The following BMI1 variants were observed in gnomAD, a reference collection of about 807,000 sequenced individuals.
BMI1 encodes polycomb complex protein BMI-1.
Under a neutral mutation model 39.1 loss-of-function variants are expected in BMI1, and 9 were observed. That is an observed-to-expected ratio of 0.23 (90% CI 0.14 to 0.40). The LOEUF is 0.40. Among genes scored for constraint, BMI1 ranks in the 10% least tolerant of loss-of-function variants. The pLI, the probability that BMI1 is intolerant of heterozygous loss-of-function variation, is 1.00. For missense variants in BMI1, 252 were observed against 390.8 expected (o/e 0.64, Z 2.99); for synonymous variants, 131 against 127.9 (o/e 1.02, Z -0.16).
At chr10:22,323,057 TG>T (rs1836049119) in intron 1 of BMI1, among the ~76,000 whole-genome samples, 2 of 152,164 alleles carry the variant, frequency 1.3e-5, no homozygotes, top group Admixed American at 6.5e-5. Context: ...AGGTTGGTGG[TG>T]TGTACAACGT....
In BMI1 at chr10:22,321,163, C is replaced by G. The variant is rs1269887944; in HGVS notation, c.-553C>G. ...CTCCCCTCCCCCTCCTCCCCTCCCC[C>G]CGCTCGCACGCACACACACGGCGCC... is the stretch of plus-strand genomic sequence containing the variant. On this transcript the variant is annotated 5_prime_UTR_variant, in exon 1 of 10. Coordinates refer to ENST00000376663, the MANE Select transcript of BMI1 (RefSeq NM_005180.9). The G allele has an allele frequency of 5.3e-5, 8 of 150,780 alleles. No homozygotes were observed. The highest frequency in any genetic ancestry group is 8.9e-5 in the Non-Finnish European group (6 of 67,388). 9.3% of individuals were successfully genotyped at this position (150,780 alleles called of 1,614,324 possible).
At position 22,331,363 on chromosome 10, in the gene BMI1, T is replaced by C. The variant is rs1456150067; in HGVS notation, c.*1821T>C. ...CAGGTAAACGTTAAAGAGAATACAT[T>C]GCTGACTTATAGTGATGTGGCTAAG... is the stretch of plus-strand genomic sequence containing the variant. On this transcript the variant is annotated 3_prime_UTR_variant, in exon 10 of 10. Coordinates refer to ENST00000376663, the MANE Select transcript of BMI1 (RefSeq NM_005180.9). 1.3e-5 allele frequency: 2 copies of C among 152,148 alleles called. No individual in the cohort carries two copies. The highest frequency in any genetic ancestry group is 2.9e-5 in the Non-Finnish European group (2 of 67,972). The allele number at this position is 152,148 out of a possible 1,614,324, so 9.4% of individuals were successfully genotyped here. A position where few individuals can be genotyped will look rare whatever the true frequency, so the allele number is the denominator to read the frequency against.
At chr10:22,324,797 AG>A (rs1440592810) in intron 1 of BMI1, among the ~76,000 whole-genome samples, 1 of 152,224 alleles carries the variant, frequency 6.6e-6, no homozygotes, top group African/African-American at 2.4e-5. Context: ...TGAATGAAGA[AG>A]GGGGGTTGAA....
In BMI1 at chr10:22,329,253, G is replaced by T; in HGVS notation, c.692G>T (p.Cys231Phe). Residue 231 changes from cysteine (C) to phenylalanine (F), a missense_variant, in exon 10 of 10, where the codon TGT becomes TTT. Cys to Phe is a radical substitution (Grantham distance 205). Coordinates refer to ENST00000376663, the MANE Select transcript of BMI1 (RefSeq NM_005180.9). The stretch of plus-strand genomic sequence containing the variant: ...TTGAAATACAGAGTTCGACCTACTT[G>T]TAAAAGAATGAAGATCAGTCACCAG... ...LPLKYRVRPT[C>F]KRMKISHQRD... The T allele has an allele frequency of 6.2e-7, 1 of 1,614,100 alleles. No homozygotes were observed. The highest frequency in any genetic ancestry group is 1.1e-5 in the South Asian group (1 of 91,080).
In BMI1 at chr10:22,321,345, C is replaced by T; in HGVS notation, c.-371C>T. 6.4e-6 allele frequency: 1 copy of T among 155,298 alleles called. No individual in the cohort carries two copies. Among genetic ancestry groups the T allele is most frequent in the South Asian group, 1.7e-4 (1 of 5,732 alleles). 9.6% of individuals were successfully genotyped at this position (155,298 alleles called of 1,614,324 possible). On this transcript the variant is annotated 5_prime_UTR_variant, in exon 1 of 10. Transcript: ENST00000376663. ...AATAAAACCGATCGCGCCCCCTCCG[C>T]GCGCGCCCTCCCCCGAGTGCGGAGC... is the stretch of plus-strand genomic sequence containing the variant.
Position 22,325,391 on chromosome 10 carries a change from G to A in BMI1, c.-19-1040G>A, listed in dbSNP as rs184110182. Among the ~76,000 whole-genome samples the A allele has an allele frequency of 9.8e-5, 15 of 152,286 alleles. No homozygotes were observed. The East Asian group carries it at 1.5e-3, about 16-fold the overall frequency. ...AACCAGCTCTGCGCACCAAGTCGAC[G>A]TGAAAAGAGGCCCCCGGAGTGTCCG... On this transcript the variant is annotated intron_variant, in intron 1 of 9. Coordinates refer to ENST00000376663, the MANE Select transcript of BMI1 (RefSeq NM_005180.9).
At chr10:22,324,655 T>C (rs1329128621) in intron 1 of BMI1, among the ~76,000 whole-genome samples, 1 of 152,242 alleles carries the variant, frequency 6.6e-6, no homozygotes, top group Non-Finnish European at 1.5e-5. Context: ...ACTGCATTAA[T>C]ACACCTTAGG....
intron 3 of BMI1, 59 bp from the exon 4 acceptor site, chr10:22,327,536 T>C (rs766134368): frequency 1.5e-5 from 22 of 1,481,888 alleles, no homozygotes; most frequent in East Asian, 1.1e-4. Context: ...TAGAAACTTA[T>C]GAACATTTTT....
At chr10:22,326,321 C>T (rs1836149758) in intron 1 of BMI1, 110 bp from the exon 2 acceptor site, 8 of 1,446,654 alleles carry the variant, frequency 5.5e-6, no homozygotes, top group African/African-American at 1.4e-5. Flanking sequence ...GACAGCCCAG[C>T]TGTACAGTGT....
intron 1 of BMI1, among the ~76,000 whole-genome samples, chr10:22,325,092 C>T (rs1426371718): frequency 6.6e-6 from 1 of 152,182 alleles, no homozygotes; most frequent in African/African-American, 2.4e-5. Flanking sequence ...CATAGTTTGT[C>T]CAAATAAAAC....
Position 22,321,390 on chromosome 10 carries a change from CGAGGAG to C in BMI1, c.-312_-307del, listed in dbSNP as rs377124330. ...CGGAGCGGGAGGAGGCGGCGGCGGCCGAGGAGGAGGAGGAGGAGGCCCCGGAGGAGG... is the reference window on the plus strand; with the variant it reads ...CGGAGCGGGAGGAGGCGGCGGCGGCCGAGGAGGAGGAGGCCCCGGAGGAGG... On this transcript the variant is annotated 5_prime_UTR_variant, in exon 1 of 10. Transcript: ENST00000376663. The C allele has an allele frequency of 3.1e-5, 5 of 159,118 alleles. No homozygotes were observed. The highest frequency in any genetic ancestry group is 6.8e-5 in the Non-Finnish European group (5 of 73,304). 9.9% of individuals were successfully genotyped at this position (159,118 alleles called of 1,614,324 possible).
intron 1 of BMI1, 148 bp downstream of exon 1, chr10:22,321,844 C>T (rs1477543304): frequency 2.8e-5 from 4 of 143,508 alleles, no homozygotes; most frequent in Non-Finnish European, 4.6e-5. Flanking sequence ...CGCCCGGCCC[C>T]GCGCCCCGCG....
rs1393582176 is a variant in BMI1 at position 22,330,881 on chromosome 10, C to T, written c.*1339C>T. ...CCAACAATTTTCAGTTTATTTTTTG[C>T]TTTGGTCGAACTTGGTGTGTGTTCA... On this transcript the variant is annotated 3_prime_UTR_variant, in exon 10 of 10. Transcript: ENST00000376663. The T allele has an allele frequency of 6.6e-6, 1 of 152,424 alleles. No individual in the cohort carries two copies. Among genetic ancestry groups the T allele is most frequent in the Admixed American group, 6.5e-5 (1 of 15,272 alleles). 9.4% of individuals were successfully genotyped at this position (152,424 alleles called of 1,614,324 possible). A position where few individuals can be genotyped will look rare whatever the true frequency, so the allele number is the denominator to read the frequency against.
intron 1 of BMI1, among the ~76,000 whole-genome samples, 181 bp from the exon 2 acceptor site, chr10:22,326,250 G>C (rs904012459): frequency 6.6e-6 from 1 of 151,738 alleles, no homozygotes; most frequent in Non-Finnish European, 1.5e-5. Flanking sequence ...GGATCCTTTT[G>C]CATCAGTTTG....
In BMI1 at chr10:22,329,525, G is replaced by A; in HGVS notation, c.964G>A (p.Ala322Thr). The A allele has an allele frequency of 6.2e-7, 1 of 1,613,838 alleles. No individual in the cohort carries two copies. Among genetic ancestry groups the A allele is most frequent in the South Asian group, 1.1e-5 (1 of 91,080 alleles). The change falls in exon 10 of 10, where the codon GCA becomes ACA. Residue 322 changes from alanine to threonine, a missense_variant. Ala to Thr is a moderately conservative substitution (Grantham distance 58). This residue lies in a region of BMI1 where 96 missense variants were observed against 120.2 expected (regional missense o/e 0.80). Coordinates refer to ENST00000376663, the MANE Select transcript of BMI1 (RefSeq NM_005180.9). Reference protein sequence around the residue: ...PRKSSVNGSSATSSG With the variant: ...PRKSSVNGSSTTSSG ...AAAATCATCAGTAAATGGGTCATCA[G>A]CAACTTCTTCTGGTTGATACCTGAG...
chr10:22,327,790 A>G lies in BMI1; in HGVS notation c.314A>G (p.Asp105Gly). 1 of 1,613,368 alleles carries G rather than the reference A, an allele frequency of 6.2e-7. No homozygotes were observed. Among genetic ancestry groups the G allele is most frequent in the Non-Finnish European group, 8.5e-7 (1 of 1,179,594 alleles). The change falls in exon 5 of 10, where the codon GAT becomes GGT. Residue 105 changes from aspartate to glycine, a missense_variant and splice_region_variant. This residue lies in a region of BMI1 where 67 missense variants were observed against 69.9 expected (regional missense o/e 0.96). Transcript: ENST00000376663. ...TTTTATGCAGCTCATCCTTCTGCTG[A>G]TGGTAAACCTTTTAGGGGAGGGAAG... is the stretch of plus-strand genomic sequence containing the variant. ...RDFYAAHPSA[D>G]AANGSNEDRG...
chr10:22,328,992 A>G (rs1836225156), intron 8 of BMI1, 56 bp from the exon 9 acceptor site: 1 of 1,506,614 alleles, frequency 6.6e-7, no homozygotes, highest in African/African-American at 1.4e-5. Context: ...TTAAATGACA[A>G]AAAATGTACA....
At chr10:22,321,770 C>T (rs1836004573) in intron 1 of BMI1, 74 bp downstream of exon 1, 1 of 145,670 alleles carries the variant, frequency 6.9e-6, no homozygotes, top group African/African-American at 2.5e-5. Flanking sequence ...GGGGCGGCCG[C>T]GGGTGGAAGG....
rs764969839 is a variant in BMI1 at position 22,329,925 on chromosome 10, C to T, written c.*383C>T. On this transcript the variant is annotated 3_prime_UTR_variant, in exon 10 of 10. Coordinates refer to ENST00000376663, the MANE Select transcript of BMI1 (RefSeq NM_005180.9). ...TTCTCCTTGATCGTTCTTGTTATTA[C>T]GCTGTTTTGTGAACCTGTAGAAAAC... 1.7e-4 allele frequency: 30 copies of T among 174,980 alleles called. 1 individual carries two copies. Among genetic ancestry groups the T allele is most frequent in the Middle Eastern group, 2.7e-3 (1 of 372 alleles). 10.8% of individuals were successfully genotyped at this position (174,980 alleles called of 1,614,324 possible). A position where few individuals can be genotyped will look rare whatever the true frequency, so the allele number is the denominator to read the frequency against.
Sources: gnomAD v4.1 joint callset for allele counts (sites outside exome capture counted in the v4.1 genomes callset) on GRCh38, gnomAD v4.1.1 for gene constraint, gnomAD v4.1.1 regional missense constraint, MANE v1.5 for transcripts, NCBI Gene and HGNC (gene_info 2026-07-23, HGNC 2026-07-21) for gene names.